Variants in MDGA2 observed in about 807,000 individuals in gnomAD.
MDGA2 encodes the protein MAM domain-containing glycosylphosphatidylinositol anchor protein 2.
MDGA2 carries 40 observed loss-of-function variants against 117.8 expected under a neutral mutation model. That is an observed-to-expected ratio of 0.34 (90% CI 0.26 to 0.44). MDGA2 has a LOEUF of 0.44. Among genes scored for constraint, MDGA2 ranks in the 20% least tolerant of loss-of-function variants. The pLI is 1.00. For synonymous variants in MDGA2, 452 were observed against 439.0 expected (o/e 1.03, Z -0.37); for missense variants, 1,123 against 1,250.6 (o/e 0.90, Z 1.54).
At chr14:47,503,322 G>A (rs1040183675) in intron 1 of MDGA2, among the ~76,000 whole-genome samples, 3 of 150,456 alleles carry the variant, frequency 2.0e-5, no homozygotes, top group African/African-American at 7.4e-5. Context: ...AAAAAAAAAA[G>A]GCATATTTAG....
intron 8 of MDGA2, among the ~76,000 whole-genome samples, chr14:46,960,051 G>A (rs1222543912): frequency 6.6e-6 from 1 of 151,834 alleles, no homozygotes; most frequent in Non-Finnish European, 1.5e-5. Flanking sequence ...GTGAAACCCC[G>A]TCTCTACCAA....
At chr14:46,980,868 A>G (rs1269925239) in intron 8 of MDGA2, among the ~76,000 whole-genome samples, 1 of 152,228 alleles carries the variant, frequency 6.6e-6, no homozygotes, top group Non-Finnish European at 1.5e-5. Context: ...TAATGTAACT[A>G]TAAATTTAAT....
At chr14:46,912,991 C>T (rs1378389210) in intron 10 of MDGA2, among the ~76,000 whole-genome samples, 1 of 152,100 alleles carries the variant, frequency 6.6e-6, no homozygotes, top group Non-Finnish European at 1.5e-5. Context: ...AAAATGGTTT[C>T]TCTACATTTC....
In MDGA2 at chr14:47,242,367, C is replaced by A. The variant is rs577160736; in HGVS notation, c.421-24172G>T. ...GCATTTGAGGAGCCCTTCAGCCCCC[C>A]ACTGTACTGTGGGAGCCCCTTTCTG... On this transcript the variant is annotated intron_variant, in intron 2 of 16. Transcript: ENST00000399232. Among the ~76,000 whole-genome samples the A allele has an allele frequency of 3.2e-4, 48 of 152,050 alleles. 1 individual carries two copies. The South Asian group carries it at 6.7e-3, about 21-fold the overall frequency.
intron 5 of MDGA2, among the ~76,000 whole-genome samples, chr14:47,101,122 T>TAGAC (rs33913671): frequency 0.013 from 1,206 of 94,818 alleles, 8 homozygotes; most frequent in Middle Eastern, 0.02. Context: ...GATAGATAGA[T>TAGAC]AGACAGATAG....
chr14:47,603,370 A>T (rs1261293931), intron 1 of MDGA2, among the ~76,000 whole-genome samples: 1 of 152,164 alleles, frequency 6.6e-6, no homozygotes, highest in Non-Finnish European at 1.5e-5. Flanking sequence ...TCAGTCCAAA[A>T]CATCAGAGTA....
intron 1 of MDGA2, among the ~76,000 whole-genome samples, chr14:47,493,944 A>C (rs558759476): frequency 6.6e-6 from 1 of 152,264 alleles, no homozygotes; most frequent in African/African-American, 2.4e-5. Context: ...CCCGAATTGT[A>C]ATCGTCAAGT....
chr14:47,617,339 G>A (rs1376345079), intron 1 of MDGA2, among the ~76,000 whole-genome samples: 2 of 151,922 alleles, frequency 1.3e-5, no homozygotes, highest in African/African-American at 4.8e-5. Flanking sequence ...CGAGTGGCTG[G>A]GATTACAGGT....
At chr14:47,571,705 G>A (rs1489797115) in intron 1 of MDGA2, among the ~76,000 whole-genome samples, 1 of 146,578 alleles carries the variant, frequency 6.8e-6, no homozygotes, top group Non-Finnish European at 1.5e-5. Context: ...ATTGATCAAT[G>A]AGAACACATG....
At chr14:47,062,234 T>C (rs1234109013) in intron 6 of MDGA2, among the ~76,000 whole-genome samples, 1 of 152,038 alleles carries the variant, frequency 6.6e-6, no homozygotes, top group East Asian at 1.9e-4. Flanking sequence ...GTTAAAACTG[T>C]TTGTTGGCTC....
At chr14:47,596,165 C>A (rs1594935766) in intron 1 of MDGA2, among the ~76,000 whole-genome samples, 1 of 152,228 alleles carries the variant, frequency 6.6e-6, no homozygotes, top group Middle Eastern at 3.4e-3. Context: ...CATGGGCCTA[C>A]AAACTTAAAA....
chr14:47,269,439 C>A (rs1888073481), intron 2 of MDGA2, among the ~76,000 whole-genome samples: 1 of 152,018 alleles, frequency 6.6e-6, no homozygotes, highest in East Asian at 1.9e-4. Flanking sequence ...AATCAGAGGA[C>A]TTTGTGTCTT....
In MDGA2 at chr14:47,054,337, A is replaced by ATTC. The variant is rs1471893926; in HGVS notation, c.1525+6911_1525+6912insGAA. Among the ~76,000 whole-genome samples the ATTC allele has an allele frequency of 1.7e-4, 26 of 151,812 alleles. No homozygotes were observed. The East Asian group carries it at 4.7e-3, about 27-fold the overall frequency. On this transcript the variant is annotated intron_variant, in intron 7 of 16. Coordinates refer to ENST00000399232, the MANE Select transcript of MDGA2 (RefSeq NM_001113498.3). ...TCTCAAAGCTCTTATTATTATTATT[A>ATTC]TTATACTTTAAGTTTTAGGGTACAT...
chr14:47,022,799 A>G (rs1285451048), intron 8 of MDGA2, among the ~76,000 whole-genome samples: 1 of 152,218 alleles, frequency 6.6e-6, no homozygotes, highest in Non-Finnish European at 1.5e-5. Context: ...ATAAGAGAAT[A>G]AACTGTTCAC....
At chr14:47,447,632 G>A (rs372653304) in intron 1 of MDGA2, among the ~76,000 whole-genome samples, 3 of 152,048 alleles carry the variant, frequency 2.0e-5, no homozygotes, top group African/African-American at 4.8e-5. Flanking sequence ...TGGTGCCTCC[G>A]GACAGCAGTC....
intron 11 of MDGA2, among the ~76,000 whole-genome samples, chr14:46,879,933 C>A (rs1184251454): frequency 1.3e-5 from 2 of 152,084 alleles, no homozygotes; most frequent in African/African-American, 4.8e-5. Context: ...TCCCCTTAAG[C>A]AGGAAACGTA....
intron 1 of MDGA2, among the ~76,000 whole-genome samples, chr14:47,565,722 T>A (rs1389762516): frequency 6.6e-6 from 1 of 152,074 alleles, no homozygotes; most frequent in South Asian, 2.1e-4. Flanking sequence ...TTGGCAGTGG[T>A]GGCATAGGCA....
At position 47,164,897 on chromosome 14, in the gene MDGA2, G is replaced by T. The variant is rs549453767; in HGVS notation, c.596-20623C>A. 2.7e-3 allele frequency among the ~76,000 whole-genome samples: 414 copies of T among 152,274 alleles called. 6 individuals carry two copies. Among genetic ancestry groups the T allele is most frequent in the African/African-American group, 9.2e-3 (382 of 41,546 alleles). On this transcript the variant is annotated intron_variant, in intron 3 of 16. Coordinates refer to ENST00000399232, the MANE Select transcript of MDGA2 (RefSeq NM_001113498.3). ...CTGGATTGAGAAAATGTGGCACATA[G>T]TCACCATGGAATACTATGCAGCCAT...
intron 3 of MDGA2, among the ~76,000 whole-genome samples, chr14:47,179,363 G>T (rs984689694): frequency 6.6e-6 from 1 of 151,506 alleles, no homozygotes; most frequent in Non-Finnish European, 1.5e-5. Context: ...TACATAGTTC[G>T]TTCTACTGTA....
Sources: allele counts gnomAD v4.1 joint callset (sites outside exome capture counted in the v4.1 genomes callset), GRCh38; gene constraint gnomAD v4.1.1; transcripts MANE v1.5; gene names NCBI Gene and HGNC (gene_info 2026-07-23, HGNC 2026-07-21).